The following CACNA2D3 variants were observed in gnomAD, a reference collection of about 807,000 sequenced individuals.
The protein encoded by CACNA2D3 is voltage-dependent calcium channel subunit alpha-2/delta-3.
A neutral mutation model predicts 160.6 loss-of-function variants in CACNA2D3; 60 were observed. The observed-to-expected ratio is 0.37, with a 90% confidence interval of 0.30 to 0.46. CACNA2D3 has a LOEUF of 0.46. Ranked by LOEUF, CACNA2D3 falls within the 20% of genes least tolerant of loss-of-function variation. The pLI, the probability that CACNA2D3 is intolerant of heterozygous loss-of-function variation, is 1.00. For missense variants in CACNA2D3, 1,205 were observed against 1,365.0 expected, an observed-to-expected ratio of 0.88 and a Z score of 1.85; for synonymous variants, 558 against 492.9, an observed-to-expected ratio of 1.13 and a Z score of -1.75.
At chr3:54,394,676 G>T (rs1699343679) in intron 4 of CACNA2D3, among the ~76,000 whole-genome samples, 1 of 112,726 alleles carries the variant, frequency 8.9e-6, no homozygotes, top group Admixed American at 9.9e-5. Flanking sequence ...GTATTCCATG[G>T]TGTATATGTG....
chr3:54,926,257 A>G (rs1701014525), intron 27 of CACNA2D3, among the ~76,000 whole-genome samples: 1 of 152,192 alleles, frequency 6.6e-6, no homozygotes, highest in Non-Finnish European at 1.5e-5. Context: ...TATGTATATT[A>G]ATTAATCCTC....
chr3:54,539,851 T>C (rs1181148334), intron 5 of CACNA2D3, among the ~76,000 whole-genome samples: 1 of 152,116 alleles, frequency 6.6e-6, no homozygotes, highest in East Asian at 1.9e-4. Flanking sequence ...GCCAGCCAGT[T>C]TGTGGCCGGG....
chr3:54,955,010 A>C (rs1237292471), intron 27 of CACNA2D3, among the ~76,000 whole-genome samples: 2 of 152,222 alleles, frequency 1.3e-5, no homozygotes, highest in African/African-American at 4.8e-5. Flanking sequence ...AGAGGTGTAG[A>C]GAAAACTTCC....
At chr3:54,844,033 C>T (rs1481872506) in intron 16 of CACNA2D3, among the ~76,000 whole-genome samples, 5 of 152,108 alleles carry the variant, frequency 3.3e-5, no homozygotes, top group African/African-American at 1.2e-4. Context: ...ATCTGGGGAG[C>T]AGCAGCACAG....
rs188907608 is a variant in CACNA2D3, at chr3:54,773,995, C to G, written c.1380+9644C>G. 4.7e-4 allele frequency among the ~76,000 whole-genome samples: 71 copies of G among 152,296 alleles called. No homozygotes were observed. The East Asian group carries it at 0.01, about 22-fold the overall frequency. Reference sequence around the variant, plus strand: ...CAACTGTCTGTAATGAAAGAACAGCCTCTATCCTCTGCCATACACCAATGG... The same window carrying G: ...CAACTGTCTGTAATGAAAGAACAGCGTCTATCCTCTGCCATACACCAATGG... On this transcript the variant is annotated intron_variant, in intron 13 of 37. Transcript: ENST00000474759.
At chr3:54,357,144 C>T (rs1190120901) in intron 3 of CACNA2D3, among the ~76,000 whole-genome samples, 2 of 152,138 alleles carry the variant, frequency 1.3e-5, no homozygotes, top group South Asian at 2.1e-4. Flanking sequence ...GTGAGCTCTG[C>T]GAATTCATCT....
chr3:54,219,628 C>T (rs538638597), intron 2 of CACNA2D3, among the ~76,000 whole-genome samples: 20 of 152,154 alleles, frequency 1.3e-4, no homozygotes, highest in African/African-American at 4.1e-4. Flanking sequence ...ATACAAGGGA[C>T]GCGTTACTTA....
intron 29 of CACNA2D3, among the ~76,000 whole-genome samples, chr3:54,971,713 T>C (rs1575415460): frequency 1.3e-5 from 2 of 152,322 alleles, no homozygotes; most frequent in East Asian, 3.9e-4. Context: ...GTTGGAAACA[T>C]CCAATACATG....
chr3:54,392,857 C>T (rs1487793154), intron 4 of CACNA2D3, among the ~76,000 whole-genome samples: 1 of 152,164 alleles, frequency 6.6e-6, no homozygotes, highest in East Asian at 1.9e-4. Flanking sequence ...ACTTCTTTCA[C>T]CATCCACTAG....
At chr3:54,908,877 C>T (rs1700500065) in intron 27 of CACNA2D3, among the ~76,000 whole-genome samples, 1 of 152,170 alleles carries the variant, frequency 6.6e-6, no homozygotes, top group South Asian at 2.1e-4. Context: ...ATAGAAACTG[C>T]AAAGCCAAAA....
rs767233883 is a variant in CACNA2D3 at position 54,838,654 on chromosome 3, G to C, written c.1551+6G>C. The C allele has an allele frequency of 4.4e-6, 7 of 1,597,642 alleles. No homozygotes were observed. The highest frequency in any genetic ancestry group is 6.0e-6 in the Non-Finnish European group (7 of 1,165,010). The stretch of plus-strand genomic sequence containing the variant: ...AGACCATCCCCAAATACAAGGTAAT[G>C]AATGACCTAATCCCTGAAATCAAAG... On this transcript the variant is annotated splice_donor_region_variant and intron_variant, in intron 16 of 37. Coordinates refer to ENST00000474759, the MANE Select transcript of CACNA2D3 (RefSeq NM_018398.3).
intron 6 of CACNA2D3, among the ~76,000 whole-genome samples, 197 bp from the exon 7 acceptor site, chr3:54,569,598 C>T (rs376477435): frequency 1.4e-4 from 22 of 152,164 alleles, no homozygotes; most frequent in African/African-American, 5.1e-4. Flanking sequence ...GCTGAGCTAG[C>T]GCTGTGTTTG....
chr3:54,612,983 TGGAC>T (rs1698774821), intron 9 of CACNA2D3, among the ~76,000 whole-genome samples: 4 of 152,226 alleles, frequency 2.6e-5, no homozygotes, highest in Middle Eastern at 3.4e-3. Flanking sequence ...GCTGTGAAAA[TGGAC>T]CACCCCCATG....
chr3:54,473,775 A>G (rs1231671163), intron 4 of CACNA2D3, among the ~76,000 whole-genome samples: 1 of 152,216 alleles, frequency 6.6e-6, no homozygotes, highest in African/African-American at 2.4e-5. Context: ...CAACAAACAT[A>G]TGAAAAAAAG....
chr3:55,036,933 T>C (rs1031322), intron 35 of CACNA2D3, among the ~76,000 whole-genome samples: 60,595 of 151,926 alleles, frequency 0.4, 12,328 homozygotes, highest in African/African-American at 0.46. Flanking sequence ...AGTGTATGAT[T>C]CTGGGTCTCA....
At chr3:54,201,544 T>C (rs1701179197) in intron 2 of CACNA2D3, among the ~76,000 whole-genome samples, 2 of 152,348 alleles carry the variant, frequency 1.3e-5, no homozygotes, top group East Asian at 1.9e-4. Context: ...TTATAGGGAA[T>C]TGTAAGATTA....
At chr3:54,763,809 A>ATG (rs1323895685) in intron 12 of CACNA2D3, among the ~76,000 whole-genome samples, 3 of 15,746 alleles carry the variant, frequency 1.9e-4, no homozygotes, top group South Asian at 1.8e-3. Context: ...GTACATATAT[A>ATG]TACATATATA....
chr3:54,448,626 G>A (rs1575460410), intron 4 of CACNA2D3, among the ~76,000 whole-genome samples: 2 of 152,144 alleles, frequency 1.3e-5, no homozygotes, highest in South Asian at 4.1e-4. Flanking sequence ...GTGGAAAAAC[G>A]AGTCAGCAGC....
intron 27 of CACNA2D3, among the ~76,000 whole-genome samples, chr3:54,967,590 A>G (rs976509125): frequency 3.3e-5 from 5 of 152,154 alleles, no homozygotes; most frequent in South Asian, 2.1e-4. Flanking sequence ...GCTCCAGGGA[A>G]TTCAGTATTC....
Sources: allele counts gnomAD v4.1 joint callset (sites outside exome capture counted in the v4.1 genomes callset), GRCh38; gene constraint gnomAD v4.1.1; transcripts MANE v1.5; gene names NCBI Gene and HGNC (gene_info 2026-07-23, HGNC 2026-07-21).